Variants in OR2A14 observed in about 807,000 individuals in gnomAD.
OR2A14 encodes olfactory receptor 2A14.
In OR2A14, 2 loss-of-function variants were observed where a neutral mutation model predicts 2.4. That is an observed-to-expected ratio of 0.85 (90% CI 0.35 to 2.67). The LOEUF (loss-of-function observed/expected upper bound fraction) is 2.67. OR2A14 is among the 30% of genes most tolerant of loss of function. The probability of loss-of-function intolerance (pLI) is 0.10; values close to 1 mark genes in which losing one functional copy is unlikely to be tolerated. For synonymous variants in OR2A14, 160 were observed against 156.3 expected (o/e 1.02, Z -0.18); for missense variants, 390 against 379.4 (o/e 1.03, Z -0.23).
chr7:144,126,754 G>A (rs546243344), intron 1 of OR2A14, among the ~76,000 whole-genome samples: 1 of 152,058 alleles, frequency 6.6e-6, no homozygotes, highest in South Asian at 2.1e-4. Flanking sequence ...TGAAAGAATC[G>A]GATATAATTC....
rs1456238946 is a variant in OR2A14, at chr7:144,129,937, GTT to G, written c.828_829del (p.Phe276LeufsTer14). 1 of 1,614,176 alleles carries G rather than the reference GTT, an allele frequency of 6.2e-7. No individual in the cohort carries two copies. Among genetic ancestry groups the G allele is most frequent in the Non-Finnish European group, 8.5e-7 (1 of 1,180,022 alleles). On this transcript the variant is annotated frameshift_variant, in exon 2 of 2. Transcript: ENST00000641068. LOFTEE classifies it high-confidence loss of function. ...AGGAGCAGCAGAAAGTTCTTTCCCT[GTT>G]TTACAGCCTTTTCAATCCAATGCTG... ...PEEQQKVLSL[F>X]YSLFNPMLNP...
In OR2A14 at chr7:144,130,079, T is replaced by G. The variant is rs2051520688; in HGVS notation, c.*34T>G. On this transcript the variant is annotated 3_prime_UTR_variant, in exon 2 of 2. Transcript: ENST00000641068. ...AAAGGGAACCATGGGGAGGGAGCCT[T>G]GCTCCCTGCAAAATATAGAAGTTGG... 2 of 1,521,070 alleles carry G rather than the reference T, an allele frequency of 1.3e-6. No homozygotes were observed. Among genetic ancestry groups the G allele is most frequent in the South Asian group, 1.2e-5 (1 of 81,542 alleles). The allele number at this position is 1,521,070 out of a possible 1,614,324, so 94.2% of individuals were successfully genotyped here. A position where few individuals can be genotyped will look rare whatever the true frequency, so the allele number is the denominator to read the frequency against.
Position 144,129,838 on chromosome 7 carries a change from C to T in OR2A14, c.726C>T (p.Ser242=). Residue 242 remains serine (S), a synonymous_variant, in exon 2 of 2, where the codon TCC becomes TCT. Coordinates refer to ENST00000641068, the MANE Select transcript of OR2A14 (RefSeq NM_001001659.3). ...GRRKAFSTCS[S]HLCVVGLFFG... ...GAAAGGCCTTCTCCACCTGCTCCTC[C>T]CACCTTTGCGTGGTGGGACTCTTCT... 1 of 1,614,230 alleles carries T rather than the reference C, an allele frequency of 6.2e-7. No homozygotes were observed. Among genetic ancestry groups the T allele is most frequent in the Non-Finnish European group, 8.5e-7 (1 of 1,180,048 alleles).
chr7:144,127,781 C>G (rs951420361), intron 1 of OR2A14, among the ~76,000 whole-genome samples: 1 of 152,092 alleles, frequency 6.6e-6, no homozygotes, highest in African/African-American at 2.4e-5. Flanking sequence ...AACCTTTAGC[C>G]TGATTTGAAA....
At chr7:144,129,022 T>C (rs2128807318) in intron 1 of OR2A14, 57 bp from the exon 2 acceptor site, 1 of 1,045,388 alleles carries the variant, frequency 9.6e-7, no homozygotes, top group African/African-American at 1.6e-5. Flanking sequence ...TCTAGAAAAT[T>C]CATTCAAAGT....
In OR2A14 at chr7:144,129,947, C is replaced by A; in HGVS notation, c.835C>A (p.Leu279Ile). The change falls in exon 2 of 2, where the codon CTT becomes ATT. Residue 279 changes from leucine to isoleucine, a missense_variant. By Grantham distance (5) the Leu-to-Ile change is conservative. Transcript: ENST00000641068. Reference protein sequence around the residue: ...QQKVLSLFYSLFNPMLNPLIY... With the variant: ...QQKVLSLFYSIFNPMLNPLIY... ...GAAAGTTCTTTCCCTGTTTTACAGC[C>A]TTTTCAATCCAATGCTGAACCCCCT... The A allele has an allele frequency of 1.2e-6, 2 of 1,614,194 alleles. No individual in the cohort carries two copies. The highest frequency in any genetic ancestry group is 8.5e-7 in the Non-Finnish European group (1 of 1,180,032).
At chr7:144,128,827 G>T (rs2051502994) in intron 1 of OR2A14, among the ~76,000 whole-genome samples, 1 of 151,724 alleles carries the variant, frequency 6.6e-6, no homozygotes. Context: ...CCTTATGTAG[G>T]GTATATTATA....
At chr7:144,123,635 C>CT (rs971169628) in intron 1 of OR2A14, among the ~76,000 whole-genome samples, 3 of 152,140 alleles carry the variant, frequency 2.0e-5, no homozygotes, top group Admixed American at 1.3e-4. Flanking sequence ...TCAGGTGACT[C>CT]TTTTTTACAA....
chr7:144,126,802 T>C (rs1399261637), intron 1 of OR2A14, among the ~76,000 whole-genome samples: 1 of 152,164 alleles, frequency 6.6e-6, no homozygotes, highest in Non-Finnish European at 1.5e-5. Context: ...TTGAAAAGCA[T>C]GGTTTATATT....
Position 144,131,115 on chromosome 7 carries a change from T to A in OR2A14, c.*1070T>A, listed in dbSNP as rs2051528731. 1 of 152,218 alleles carries A rather than the reference T, an allele frequency of 6.6e-6. No individual in the cohort carries two copies. The highest frequency in any genetic ancestry group is 6.5e-5 in the Admixed American group (1 of 15,286). 9.4% of individuals were successfully genotyped at this position (152,218 alleles called of 1,614,324 possible). On this transcript the variant is annotated 3_prime_UTR_variant, in exon 2 of 2. Transcript: ENST00000641068. ...CATTGTACTTACTTGAGAGTGAGACTTTTCCTCCTTTGACACTTTCTAAAA... is the reference window on the plus strand; with the variant it reads ...CATTGTACTTACTTGAGAGTGAGACATTTCCTCCTTTGACACTTTCTAAAA...
At chr7:144,124,472 A>G (rs2051467880) in intron 1 of OR2A14, among the ~76,000 whole-genome samples, 1 of 151,546 alleles carries the variant, frequency 6.6e-6, no homozygotes, top group African/African-American at 2.4e-5. Context: ...CAAAAAAAAA[A>G]AAAAAAAAAA....
At position 144,130,536 on chromosome 7, in the gene OR2A14, A is replaced by G. The variant is rs1371048780; in HGVS notation, c.*491A>G. ...CAGAAAATACAAGGGGCTGATAAAC[A>G]TACAAATGCTGCTTTCCACCATTAG... On this transcript the variant is annotated 3_prime_UTR_variant, in exon 2 of 2. Transcript: ENST00000641068. The G allele has an allele frequency of 6.5e-6, 1 of 153,362 alleles. No individual in the cohort carries two copies. Among genetic ancestry groups the G allele is most frequent in the Non-Finnish European group, 1.5e-5 (1 of 68,854 alleles). The allele number at this position is 153,362 out of a possible 1,614,324, so 9.5% of individuals were successfully genotyped here.
rs190730454 is a variant in OR2A14, at chr7:144,127,226, G to C, written c.-34-1853G>C. Among the ~76,000 whole-genome samples the C allele has an allele frequency of 2.6e-4, 39 of 152,276 alleles. 1 individual carries two copies. Among genetic ancestry groups the C allele is most frequent in the African/African-American group, 8.9e-4 (37 of 41,538 alleles). ...CATGCACTCAAGGATCATTCGTTAA[G>C]GGATATACAAAATACAAATATAAGT... is the stretch of plus-strand genomic sequence containing the variant. On this transcript the variant is annotated intron_variant, in intron 1 of 1. Coordinates refer to ENST00000641068, the MANE Select transcript of OR2A14 (RefSeq NM_001001659.3).
At position 144,123,803 on chromosome 7, in the gene OR2A14, C is replaced by G. The variant is rs61406720; in HGVS notation, c.-35+539C>G. Among the ~76,000 whole-genome samples, 193 of 152,224 alleles carry G rather than the reference C, an allele frequency of 1.3e-3. 2 individuals are homozygous for G. The East Asian group carries it at 0.032, about 25-fold the overall frequency. On this transcript the variant is annotated intron_variant, in intron 1 of 1. Transcript: ENST00000641068. ...CCTTCTCAGTTGTTCTGGATACAGG[C>G]ACCATTCACTCACAGGGAAAAGCCA...
Position 144,129,794 on chromosome 7 carries a change from C to T in OR2A14, c.682C>T (p.Gln228Ter), listed in dbSNP as rs201929572. 2.8e-5 allele frequency: 45 copies of T among 1,613,910 alleles called. No homozygotes were observed. Among genetic ancestry groups the T allele is most frequent in the Non-Finnish European group, 3.7e-5 (44 of 1,180,024 alleles). ...LRILAAILRI[Q>*]SGEGRRKAFS... Reference sequence around the variant, plus strand: ...CATCCTGGCCGCCATCTTGAGGATCCAGTCTGGGGAGGGCCGCAGAAAGGC... The same window carrying T: ...CATCCTGGCCGCCATCTTGAGGATCTAGTCTGGGGAGGGCCGCAGAAAGGC... Residue 228 changes from glutamine (Q) to a stop codon, truncating the protein, a stop_gained, in exon 2 of 2, where the codon CAG (glutamine) becomes TAG (stop). Coordinates refer to ENST00000641068, the MANE Select transcript of OR2A14 (RefSeq NM_001001659.3). LOFTEE classifies it high-confidence loss of function.
At chr7:144,127,744 T>C (rs960439304) in intron 1 of OR2A14, among the ~76,000 whole-genome samples, 3 of 152,222 alleles carry the variant, frequency 2.0e-5, no homozygotes, top group Admixed American at 6.5e-5. Flanking sequence ...TCAAAATTGT[T>C]TTTTTAAAAG....
At position 144,129,930 on chromosome 7, in the gene OR2A14, T is replaced by A. The variant is rs555247578; in HGVS notation, c.818T>A (p.Leu273His). 4.7e-5 allele frequency: 76 copies of A among 1,614,186 alleles called. 1 individual carries two copies. The East Asian group carries it at 1.6e-3, about 34-fold the overall frequency. The part of the protein sequence containing the change: ...SRHPEEQQKV[L>H]SLFYSLFNPM... The stretch of plus-strand genomic sequence containing the variant: ...CATCCTGAGGAGCAGCAGAAAGTTC[T>A]TTCCCTGTTTTACAGCCTTTTCAAT... Residue 273 changes from leucine (L) to histidine (H), a missense_variant, in exon 2 of 2, where the codon CTT becomes CAT. By Grantham distance (99) the Leu-to-His change is moderately conservative (BLOSUM62 -3). Coordinates refer to ENST00000641068, the MANE Select transcript of OR2A14 (RefSeq NM_001001659.3).
At chr7:144,126,360 T>C (rs1319567012) in intron 1 of OR2A14, among the ~76,000 whole-genome samples, 3 of 152,238 alleles carry the variant, frequency 2.0e-5, no homozygotes, top group Non-Finnish European at 2.9e-5. Context: ...TCCTGCTCAC[T>C]ATGGTTCAGG....
In OR2A14 at chr7:144,129,059, C is replaced by A. The variant is rs2051505480; in HGVS notation, c.-34-20C>A. Reference sequence around the variant, plus strand: ...ATAATTTCTAAGTGCTCCCTCTGTGCATCTTTGACTGGCCCACAGCTCTGA... The same window carrying A: ...ATAATTTCTAAGTGCTCCCTCTGTGAATCTTTGACTGGCCCACAGCTCTGA... On this transcript the variant is annotated intron_variant, in intron 1 of 1. Transcript: ENST00000641068. 5.1e-6 allele frequency: 7 copies of A among 1,367,596 alleles called. No homozygotes were observed. 84.7% of individuals were successfully genotyped at this position (1,367,596 alleles called of 1,614,324 possible). A position where few individuals can be genotyped will look rare whatever the true frequency, so the allele number is the denominator to read the frequency against.
Sources: gnomAD v4.1 joint callset for allele counts (sites outside exome capture counted in the v4.1 genomes callset) on GRCh38, gnomAD v4.1.1 for gene constraint, MANE v1.5 for transcripts, NCBI Gene and HGNC (gene_info 2026-07-23, HGNC 2026-07-21) for gene names.